TEK: variants seen among roughly 807,000 people sequenced by gnomAD.
The protein encoded by TEK is angiopoietin-1 receptor.
In TEK, 43 loss-of-function variants were observed where a neutral mutation model predicts 131.8. That is an observed-to-expected ratio of 0.33 (90% CI 0.26 to 0.42). The LOEUF (loss-of-function observed/expected upper bound fraction) is 0.42. Ranked by LOEUF, TEK falls within the 10% of genes least tolerant of loss-of-function variation. TEK has a pLI of 1.00. For synonymous variants in TEK, 580 were observed against 491.6 expected (o/e 1.18, Z -2.38); for missense variants, 1,162 against 1,384.4 (o/e 0.84, Z 2.55).
Position 27,228,248 on chromosome 9 carries a change from G to C in TEK, c.3243G>C (p.Glu1081Asp), listed in dbSNP as rs1236576738. The C allele has an allele frequency of 6.2e-7, 1 of 1,613,120 alleles. No homozygotes were observed. The highest frequency in any genetic ancestry group is 1.1e-5 in the South Asian group (1 of 91,056). The change falls in exon 22 of 23, where the codon GAG becomes GAC. Residue 1081 changes from glutamate (E) to aspartate (D), a missense_variant. By Grantham distance (45) the Glu-to-Asp change is conservative. This residue lies in a region of TEK where 84 missense variants were observed against 80.3 expected (regional missense o/e 1.05). Coordinates refer to ENST00000380036, the MANE Select transcript of TEK (RefSeq NM_000459.5). ...AATGCTGGCGGGAGAAGCCTTATGAGAGGCCATCATTTGCCCAGATATTGG... is the reference window on the plus strand; with the variant it reads ...AATGCTGGCGGGAGAAGCCTTATGACAGGCCATCATTTGCCCAGATATTGG... The part of the protein sequence containing the change: ...MRQCWREKPY[E>D]RPSFAQILVS...
At chr9:27,184,854 A>T (rs906262644) in intron 8 of TEK, among the ~76,000 whole-genome samples, 1 of 152,028 alleles carries the variant, frequency 6.6e-6, no homozygotes, top group South Asian at 2.1e-4. Context: ...CCTGGGCAAC[A>T]TAGCAAGACC....
At chr9:27,217,313 TTTCCCTTTTCCACCCTGC>T (rs1325120556) in intron 18 of TEK, among the ~76,000 whole-genome samples, 4 of 152,152 alleles carry the variant, frequency 2.6e-5, no homozygotes, top group East Asian at 3.9e-4. Context: ...CCTACCCCAG[TTTCCCTTTTCCACCCTGC>T]TTCCCTTTTC....
At chr9:27,149,870 A>G (rs1197781184) in intron 1 of TEK, among the ~76,000 whole-genome samples, 1 of 152,062 alleles carries the variant, frequency 6.6e-6, no homozygotes, top group East Asian at 1.9e-4. Context: ...CCAAAGATGC[A>G]TTTTTCCCAT....
intron 18 of TEK, among the ~76,000 whole-genome samples, chr9:27,215,634 C>T (rs574881491): frequency 2.0e-4 from 30 of 150,176 alleles, no homozygotes; most frequent in Admixed American, 4.0e-4. Context: ...CTATACTAAG[C>T]AATTTGGGGT....
chr9:27,224,394 CAAAA>C (rs796413354), intron 21 of TEK, among the ~76,000 whole-genome samples: 10,725 of 152,192 alleles, frequency 0.07, 444 homozygotes, highest in East Asian at 0.1. Flanking sequence ...AGCAGCACAT[CAAAA>C]AGCTTATCCA....
In TEK at chr9:27,210,857, G is replaced by A. The variant is rs151110931; in HGVS notation, c.2686+1626G>A. ...AGATAGGCCGGGCGTGGTGGCTCAC[G>A]CCTATAATCCCAGCACTTTGGGAGG... On this transcript the variant is annotated intron_variant, in intron 16 of 22. Coordinates refer to ENST00000380036, the MANE Select transcript of TEK (RefSeq NM_000459.5). Among the ~76,000 whole-genome samples, 842 of 152,232 alleles carry A rather than the reference G, an allele frequency of 5.5e-3. 6 individuals are homozygous for A. Among genetic ancestry groups the A allele is most frequent in the African/African-American group, 0.019 (774 of 41,562 alleles).
chr9:27,157,752 G>A (rs1823387588), intron 1 of TEK, 79 bp from the exon 2 acceptor site: 4 of 1,483,784 alleles, frequency 2.7e-6, no homozygotes, highest in Non-Finnish European at 3.8e-6. Flanking sequence ...TTTAAGACAA[G>A]GCTTTGTGAG....
chr9:27,202,729 T>C lies in TEK; in HGVS notation c.1910-91T>C, dbSNP rs550721. On this transcript the variant is annotated intron_variant, in intron 12 of 22. Transcript: ENST00000380036. Reference sequence around the variant, plus strand: ...TATGAGAAAACATTTGTTTGCCTTATATGAGCTGACATGAACTCTATCTCA... The same window carrying C: ...TATGAGAAAACATTTGTTTGCCTTACATGAGCTGACATGAACTCTATCTCA... 651,180 of 1,379,838 alleles carry C rather than the reference T, an allele frequency of 0.47. 156,770 individuals are homozygous for C. The highest frequency in any genetic ancestry group is 0.51 in the Admixed American group (29,574 of 57,918). 85.5% of individuals were successfully genotyped at this position (1,379,838 alleles called of 1,614,324 possible).
intron 15 of TEK, among the ~76,000 whole-genome samples, chr9:27,208,400 G>C (rs1250078314): frequency 1.3e-5 from 2 of 151,966 alleles, no homozygotes; most frequent in Admixed American, 6.6e-5. Flanking sequence ...AGACTGATCA[G>C]TTTATGCACC....
chr9:27,113,723 T>C (rs1000286151), intron 1 of TEK, among the ~76,000 whole-genome samples: 3 of 152,252 alleles, frequency 2.0e-5, no homozygotes, highest in African/African-American at 7.2e-5. Flanking sequence ...TATTCATAGA[T>C]GCTGTCTCTT....
At chr9:27,144,844 TG>T (rs1337042091) in intron 1 of TEK, among the ~76,000 whole-genome samples, 1 of 152,170 alleles carries the variant, frequency 6.6e-6, no homozygotes, top group Non-Finnish European at 1.5e-5. Context: ...CTAGAGCTCC[TG>T]TCCTGTTCGA....
chr9:27,216,372 T>C (rs927923394), intron 18 of TEK, among the ~76,000 whole-genome samples: 9 of 151,460 alleles, frequency 5.9e-5, no homozygotes, highest in Non-Finnish European at 1.2e-4. Context: ...CCAAAAGAAG[T>C]CAAATAAAAA....
chr9:27,161,212 G>A (rs1447564559), intron 2 of TEK, among the ~76,000 whole-genome samples: 1 of 152,240 alleles, frequency 6.6e-6, no homozygotes, highest in African/African-American at 2.4e-5. Flanking sequence ...GGCAAAGGCA[G>A]ACCTGGATAG....
intron 2 of TEK, among the ~76,000 whole-genome samples, chr9:27,167,074 T>C (rs1018776987): frequency 2.6e-5 from 4 of 152,178 alleles, no homozygotes; most frequent in African/African-American, 9.7e-5. Flanking sequence ...TTCTGCAGAT[T>C]ATGATATAAG....
chr9:27,203,215 A>C lies in TEK; in HGVS notation c.2209+96A>C, dbSNP rs1242479757. ...GGCCTGTGAGATGAAAGCCTATGAA[A>C]AGTCGGTGGTTGAATGGACAGGCAT... On this transcript the variant is annotated intron_variant, in intron 13 of 22. Coordinates refer to ENST00000380036, the MANE Select transcript of TEK (RefSeq NM_000459.5). 3 of 1,407,584 alleles carry C rather than the reference A, an allele frequency of 2.1e-6. No individual in the cohort carries two copies. The African/African-American group carries it at 4.2e-5, about 20-fold the overall frequency. The allele number at this position is 1,407,584 out of a possible 1,614,324, so 87.2% of individuals were successfully genotyped here. A position where few individuals can be genotyped will look rare whatever the true frequency, so the allele number is the denominator to read the frequency against.
intron 1 of TEK, among the ~76,000 whole-genome samples, chr9:27,116,524 C>G (rs1821564781): frequency 6.6e-6 from 1 of 152,288 alleles, no homozygotes; most frequent in East Asian, 1.9e-4. Context: ...ACCTCATGAT[C>G]CACCTGCCTT....
chr9:27,177,579 C>T (rs370308948), intron 6 of TEK, among the ~76,000 whole-genome samples: 39 of 152,162 alleles, frequency 2.6e-4, no homozygotes, highest in Non-Finnish European at 4.0e-4. Context: ...CGAGAAACCC[C>T]GTCTCTACTA....
chr9:27,165,203 A>G (rs1823684651), intron 2 of TEK, among the ~76,000 whole-genome samples: 1 of 152,220 alleles, frequency 6.6e-6, no homozygotes, highest in African/African-American at 2.4e-5. Flanking sequence ...CCTACTGGGG[A>G]ACCTTGGTTC....
intron 10 of TEK, among the ~76,000 whole-genome samples, chr9:27,191,369 CAATTAT>C (rs1258447656): frequency 6.6e-6 from 1 of 152,032 alleles, no homozygotes; most frequent in Non-Finnish European, 1.5e-5. Context: ...ACACAAATTA[CAATTAT>C]ATTTGTTGTA....
Sources: gnomAD v4.1 joint callset for allele counts (sites outside exome capture counted in the v4.1 genomes callset) on GRCh38, gnomAD v4.1.1 for gene constraint, gnomAD v4.1.1 regional missense constraint, MANE v1.5 for transcripts, NCBI Gene and HGNC (gene_info 2026-07-23, HGNC 2026-07-21) for gene names.